Variants in TULP4 observed in about 807,000 individuals in gnomAD.
TULP4 encodes TUB like protein 4.
Under a neutral mutation model 129.0 loss-of-function variants are expected in TULP4, and 16 were observed. The observed-to-expected ratio is 0.12, with a 90% CI of 0.08 to 0.19. TULP4 has a LOEUF of 0.19. TULP4 is among the 10% of genes least tolerant of loss of function. The probability of loss-of-function intolerance (pLI) is 1.00; values close to 1 mark genes in which losing one functional copy is unlikely to be tolerated. For synonymous variants in TULP4, 998 were observed against 854.0 expected (o/e 1.17, Z -2.94); for missense variants, 1,842 against 2,059.1 (o/e 0.89, Z 2.04).
At chr6:158,463,635 T>TA (rs1160939982) in intron 6 of TULP4, among the ~76,000 whole-genome samples, 3 of 130,432 alleles carry the variant, frequency 2.3e-5, no homozygotes, top group Non-Finnish European at 4.8e-5. Context: ...CCCTAGAACT[T>TA]AAAGTATAAT....
intron 1 of TULP4, among the ~76,000 whole-genome samples, chr6:158,321,067 T>C (rs934809683): frequency 1.3e-5 from 2 of 152,204 alleles, no homozygotes; most frequent in Admixed American, 1.3e-4. Context: ...AAATTTTCTT[T>C]AACTTTTTGG....
intron 1 of TULP4, among the ~76,000 whole-genome samples, chr6:158,293,339 G>C (rs947168492): frequency 2.0e-5 from 3 of 152,218 alleles, no homozygotes; most frequent in Admixed American, 6.5e-5. Flanking sequence ...TTCACACACA[G>C]AAACTCATTC....
At chr6:158,454,018 A>ACTTC (rs373934513) in intron 5 of TULP4, among the ~76,000 whole-genome samples, 7 of 114,620 alleles carry the variant, frequency 6.1e-5, no homozygotes, top group Non-Finnish European at 1.1e-4. Flanking sequence ...CTGCCTCTGC[A>ACTTC]CCGCCCCCCC....
At chr6:158,241,473 G>C (rs962369128) in intron 1 of TULP4, among the ~76,000 whole-genome samples, 60 of 151,470 alleles carry the variant, frequency 4.0e-4, no homozygotes, top group Admixed American at 4.6e-4. Flanking sequence ...CTGAGTGAAC[G>C]AGACTCCGTC....
intron 1 of TULP4, among the ~76,000 whole-genome samples, chr6:158,371,745 AT>A (rs1236976614): frequency 6.6e-6 from 1 of 152,240 alleles, no homozygotes; most frequent in Admixed American, 6.5e-5. Flanking sequence ...CTAGATCTGC[AT>A]AGGTTCAGAG....
chr6:158,478,912 T>G (rs1371522441), intron 6 of TULP4, among the ~76,000 whole-genome samples: 1 of 152,174 alleles, frequency 6.6e-6, no homozygotes, highest in East Asian at 1.9e-4. Context: ...AACCGTGTTC[T>G]CCTCAATCGC....
intron 13 of TULP4, 76 bp from the exon 14 acceptor site, chr6:158,506,499 GGGA>G (rs1780606302): frequency 2.1e-6 from 2 of 935,632 alleles, no homozygotes; most frequent in Admixed American, 3.4e-5. Flanking sequence ...CCAAAGTGCT[GGGA>G]CTACAGGCGT....
intron 1 of TULP4, among the ~76,000 whole-genome samples, chr6:158,268,894 G>A (rs976602571): frequency 4.6e-5 from 7 of 151,982 alleles, no homozygotes; most frequent in Admixed American, 2.0e-4. Flanking sequence ...AGCATCTTTG[G>A]CTTAATCCTC....
At chr6:158,425,267 A>G (rs932101464) in intron 2 of TULP4, among the ~76,000 whole-genome samples, 2 of 151,292 alleles carry the variant, frequency 1.3e-5, no homozygotes, top group African/African-American at 4.9e-5. Context: ...TAATCCCAGC[A>G]CTTTGGGAAG....
intron 3 of TULP4, among the ~76,000 whole-genome samples, chr6:158,435,046 C>A (rs571092413): frequency 6.6e-6 from 1 of 152,236 alleles, no homozygotes; most frequent in Non-Finnish European, 1.5e-5. Context: ...TCCCAGGCTG[C>A]GGCTTTGTCC....
chr6:158,490,472 C>T (rs1322242383), intron 9 of TULP4, among the ~76,000 whole-genome samples: 2 of 152,148 alleles, frequency 1.3e-5, no homozygotes, highest in Non-Finnish European at 2.9e-5. Flanking sequence ...ACTGTAGAAC[C>T]TTTTTCTTCA....
intron 1 of TULP4, among the ~76,000 whole-genome samples, chr6:158,372,583 T>C (rs1777097606): frequency 6.6e-6 from 1 of 152,192 alleles, no homozygotes; most frequent in South Asian, 2.1e-4. Flanking sequence ...CCCGGAGTGT[T>C]TCAGTAATGG....
rs71030170 is a variant in TULP4, at chr6:158,439,700, C to CTTTTTT, written c.544-9272_544-9267dup. Among the ~76,000 whole-genome samples the CTTTTTT allele has an allele frequency of 4.2e-3, 289 of 68,254 alleles. 19 individuals are homozygous for CTTTTTT. Among genetic ancestry groups the CTTTTTT allele is most frequent in the East Asian group, 5.2e-3 (8 of 1,552 alleles). The allele number at this position is 68,254 out of a possible 152,430, so 44.8% of individuals were successfully genotyped here. A position where few individuals can be genotyped will look rare whatever the true frequency, so the allele number is the denominator to read the frequency against. On this transcript the variant is annotated intron_variant, in intron 3 of 13. Transcript: ENST00000367097. Reference sequence around the variant, plus strand: ...CATGTAAGCTCTTGTACTAGAGTTTCTTTTTTTTTTTTTTTTTTTTTTTTT... The same window carrying CTTTTTT: ...CATGTAAGCTCTTGTACTAGAGTTTCTTTTTTTTTTTTTTTTTTTTTTTTTTTTTTT...
intron 1 of TULP4, among the ~76,000 whole-genome samples, chr6:158,288,716 G>A (rs1243425858): frequency 6.6e-6 from 1 of 152,052 alleles, no homozygotes; most frequent in East Asian, 1.9e-4. Flanking sequence ...TAGCCAGGAT[G>A]GTCTCGATCT....
chr6:158,413,255 A>G lies in TULP4; in HGVS notation c.381+62A>G. ...CGGGGTAGAGGACTCCCAGACAGGC[A>G]TTCCGGAGCCAGTGCGTTAGCACCA... is the stretch of plus-strand genomic sequence containing the variant. On this transcript the variant is annotated intron_variant, in intron 2 of 13. Coordinates refer to ENST00000367097, the MANE Select transcript of TULP4 (RefSeq NM_020245.5). The surrounding 1 kb of genome is among the most constrained non-coding windows in gnomAD (Gnocchi z 4.9). 1 of 1,544,772 alleles carries G rather than the reference A, an allele frequency of 6.5e-7. No homozygotes were observed. The highest frequency in any genetic ancestry group is 1.2e-5 in the South Asian group (1 of 83,546).
intron 3 of TULP4, among the ~76,000 whole-genome samples, chr6:158,436,940 G>T (rs1056829747): frequency 6.6e-6 from 1 of 152,208 alleles, no homozygotes; most frequent in African/African-American, 2.4e-5. Context: ...TAGGTCCCAA[G>T]TCCCTTCTCA....
intron 1 of TULP4, among the ~76,000 whole-genome samples, chr6:158,392,790 ATTTCTTTTT>A (rs1164270660): frequency 6.2e-4 from 24 of 38,628 alleles, no homozygotes; most frequent in African/African-American, 2.5e-3. Context: ...TTAAATTTGT[ATTTCTTTTT>A]TTTTTTTTTT....
At chr6:158,273,864 T>C (rs544271727) in intron 1 of TULP4, among the ~76,000 whole-genome samples, 20 of 152,342 alleles carry the variant, frequency 1.3e-4, no homozygotes, top group Admixed American at 1.0e-3. Context: ...TGAATTCTTA[T>C]CATAGATTCA....
chr6:158,298,788 A>G (rs1305324751), intron 1 of TULP4, among the ~76,000 whole-genome samples: 1 of 152,204 alleles, frequency 6.6e-6, no homozygotes, highest in Non-Finnish European at 1.5e-5. Context: ...GTCTACGTTG[A>G]TACTGAGGGA....
Sources: allele counts gnomAD v4.1 joint callset (sites outside exome capture counted in the v4.1 genomes callset), GRCh38; gene constraint gnomAD v4.1.1; non-coding constraint Gnocchi (gnomAD v3.1); transcripts MANE v1.5; gene names NCBI Gene and HGNC (gene_info 2026-07-23, HGNC 2026-07-21).